Variants in REPS2 observed in about 807,000 individuals in gnomAD.
REPS2 encodes the protein RALBP1 associated Eps domain containing 2.
Under a neutral mutation model 53.6 loss-of-function variants are expected in REPS2, and 23 were observed. The ratio of observed to expected loss-of-function variants is 0.43; its 90% CI spans 0.31 to 0.61. The LOEUF (loss-of-function observed/expected upper bound fraction) is 0.61. REPS2 is among the 20% of genes least tolerant of loss of function. The probability of loss-of-function intolerance (pLI) is 0.11; values close to 1 mark genes in which losing one functional copy is unlikely to be tolerated. For missense variants in REPS2, 446 were observed against 534.9 expected, an observed-to-expected ratio of 0.83 and a Z score of 1.64; for synonymous variants, 238 against 218.6, an observed-to-expected ratio of 1.09 and a Z score of -0.78.
At chrX:16,989,635 C>T (rs1380873571) in intron 1 of REPS2, among the ~76,000 whole-genome samples, 3 of 112,131 alleles carry the variant, frequency 2.7e-5, no homozygotes, top group Non-Finnish European at 5.6e-5. Context: ...CAAGAAGGGA[C>T]ATTTCACTGA....
intron 6 of REPS2, among the ~76,000 whole-genome samples, chrX:17,050,500 G>C (rs1324878045): frequency 9.1e-6 from 1 of 110,364 alleles, no homozygotes; most frequent in East Asian, 2.9e-4. Flanking sequence ...CAGGTTTGTA[G>C]CCTAGGAGCA....
At chrX:17,154,155 C>T (rs778534657), downstream of REPS2, among the ~76,000 whole-genome samples, 1 of 111,863 alleles carries the variant, frequency 8.9e-6, no homozygotes. Context: ...TAGCCAATCT[C>T]ATTTTACAGT....
intron 13 of REPS2, among the ~76,000 whole-genome samples, chrX:17,097,297 A>G (rs2062717145): frequency 8.9e-6 from 1 of 112,213 alleles, no homozygotes. Context: ...TTTTCAATCA[A>G]ATAAACTAAG....
chrX:17,115,858 G>C (rs1050596664), intron 14 of REPS2, among the ~76,000 whole-genome samples: 5 of 111,898 alleles, frequency 4.5e-5, no homozygotes, highest in African/African-American at 1.3e-4. Flanking sequence ...TAAGGTTATA[G>C]ATTAACAGCA....
chrX:17,135,215 T>C, intron 15 of REPS2, 46 bp from the exon 16 acceptor site: 5 of 1,167,461 alleles, frequency 4.3e-6, no homozygotes, highest in Non-Finnish European at 5.8e-6. Context: ...GGAGGGAACA[T>C]TGAAATGTTT....
At chrX:17,122,865 T>TATC (rs1268157352) in intron 14 of REPS2, among the ~76,000 whole-genome samples, 6 of 112,302 alleles carry the variant, frequency 5.3e-5, no homozygotes, top group African/African-American at 1.9e-4. Flanking sequence ...AAGTGTGAAC[T>TATC]ATCAGTAAGT....
the REPS2 span, among the ~76,000 whole-genome samples, chrX:17,168,877 C>G: frequency 4.5e-5 from 5 of 112,283 alleles, no homozygotes; most frequent in East Asian, 1.4e-3. Flanking sequence ...AATCTGTTCT[C>G]TACCCCTTGA....
chrX:17,135,165 G>A, intron 15 of REPS2, 96 bp from the exon 16 acceptor site: 2 of 913,478 alleles, frequency 2.2e-6, no homozygotes, highest in East Asian at 6.3e-5. Context: ...CTGATCTTGG[G>A]GTTGGGGCTA....
At chrX:16,961,575 G>A (rs1416005512) in intron 1 of REPS2, among the ~76,000 whole-genome samples, 1 of 111,521 alleles carries the variant, frequency 9.0e-6, no homozygotes, top group Non-Finnish European at 1.9e-5. Context: ...CCTTGATATC[G>A]GCCTTGGCAA....
At chrX:17,030,655 T>G in intron 5 of REPS2, among the ~76,000 whole-genome samples, 1 of 112,397 alleles carries the variant, frequency 8.9e-6, no homozygotes, top group East Asian at 2.8e-4. Context: ...AGATAATAAT[T>G]TAGCCATAGG....
intron 14 of REPS2, among the ~76,000 whole-genome samples, chrX:17,109,543 A>C (rs1418660967): frequency 9.0e-6 from 1 of 111,444 alleles, no homozygotes; most frequent in Admixed American, 9.5e-5. Flanking sequence ...TATGGGGACA[A>C]GAACTCAGAT....
intron 17 of REPS2, among the ~76,000 whole-genome samples, chrX:17,145,212 A>G (rs2063497358): frequency 9.0e-6 from 1 of 111,261 alleles, no homozygotes; most frequent in South Asian, 3.8e-4. Flanking sequence ...GGAGGGAGAG[A>G]GTGTGGTACC....
intron 14 of REPS2, among the ~76,000 whole-genome samples, chrX:17,130,212 G>A (rs1017328979): frequency 9.0e-6 from 1 of 111,250 alleles, no homozygotes; most frequent in Non-Finnish European, 1.9e-5. Flanking sequence ...CAGGGTGAGG[G>A]CTTGTGTTCC....
At chrX:17,076,812 T>G (rs1218960137) in intron 12 of REPS2, among the ~76,000 whole-genome samples, 1 of 111,616 alleles carries the variant, frequency 9.0e-6, no homozygotes, top group Non-Finnish European at 1.9e-5. Context: ...CCCTGAACAT[T>G]GAATTCTTAC....
intron 2 of REPS2, among the ~76,000 whole-genome samples, chrX:17,018,523 A>T (rs1197912721): frequency 9.5e-6 from 1 of 105,620 alleles, no homozygotes; most frequent in Non-Finnish European, 1.9e-5. Flanking sequence ...GAGTTTGGCT[A>T]CTCTTGATGC....
intron 5 of REPS2, 66 bp downstream of exon 5, chrX:17,029,689 G>A (rs981167714): frequency 1.2e-4 from 83 of 695,640 alleles, no homozygotes; most frequent in Middle Eastern, 3.1e-4. Flanking sequence ...CGGGGACATG[G>A]CTTTTTGATG....
chrX:17,035,400 T>C (rs2061753327), intron 5 of REPS2, among the ~76,000 whole-genome samples: 2 of 108,698 alleles, frequency 1.8e-5, no homozygotes, highest in Admixed American at 1.0e-4. Flanking sequence ...CATGAGAGAG[T>C]TGGTCATCTG....
At chrX:16,967,500 C>T (rs1252066585) in intron 1 of REPS2, among the ~76,000 whole-genome samples, 2 of 110,365 alleles carry the variant, frequency 1.8e-5, no homozygotes, top group Non-Finnish European at 3.8e-5. Context: ...ACAGTGAGAC[C>T]TAGCTCTGCA....
chrX:17,177,551 A>G, the REPS2 span, among the ~76,000 whole-genome samples: 1 of 111,705 alleles, frequency 9.0e-6, no homozygotes, highest in African/African-American at 3.3e-5. Flanking sequence ...CTGGGAGGCA[A>G]GCTGGCCCAG....
Sources: gnomAD v4.1 joint callset for allele counts (sites outside exome capture counted in the v4.1 genomes callset) on GRCh38, gnomAD v4.1.1 for gene constraint, MANE v1.5 for transcripts, NCBI Gene and HGNC (gene_info 2026-07-23, HGNC 2026-07-21) for gene names.